Variants in SPRYD3 observed in about 807,000 individuals in gnomAD.
SPRYD3 encodes the protein SPRY domain-containing protein 3.
SPRYD3 carries 17 observed loss-of-function variants against 50.1 expected under a neutral mutation model. That is an observed-to-expected ratio of 0.34 (90% CI 0.23 to 0.51). The LOEUF is 0.51. SPRYD3 is among the 20% of genes least tolerant of loss of function. SPRYD3 has a pLI of 0.97. For synonymous variants in SPRYD3, 198 were observed against 215.5 expected (o/e 0.92, Z 0.71); for missense variants, 401 against 591.2 (o/e 0.68, Z 3.34).
intron 5 of SPRYD3, among the ~76,000 whole-genome samples, chr12:53,073,742 G>A (rs958064994): frequency 1.1e-4 from 16 of 151,992 alleles, no homozygotes; most frequent in African/African-American, 2.9e-4. Flanking sequence ...TACTCGGGAG[G>A]CTGAGGCAGG....
chr12:53,073,256 G>GCCCCCGGGGGGGGGGGGGGCCCC, intron 6 of SPRYD3, 30 bp downstream of exon 6: 5 of 424,134 alleles, frequency 1.2e-5, no homozygotes, highest in East Asian at 7.6e-5. Flanking sequence ...CTCCGACCCA[G>GCCCCCGGGGGGGGGGGGGGCCCC]CCCCTCCCAC....
chr12:53,079,227 GC>G, intron 1 of SPRYD3, 83 bp downstream of exon 1: 1 of 1,386,260 alleles, frequency 7.2e-7, no homozygotes, highest in Non-Finnish European at 1.0e-6. Context: ...TGGCCCCAGA[GC>G]CCCCGCCCAG....
intron 7 of SPRYD3, 89 bp from the exon 8 acceptor site, chr12:53,067,794 G>T: frequency 8.0e-7 from 1 of 1,253,208 alleles, no homozygotes; most frequent in Non-Finnish European, 1.2e-6. Context: ...CTCTGGGACA[G>T]ACCACAGCCC....
Position 53,074,908 on chromosome 12 carries a change from C to T in SPRYD3, c.372-124G>A, listed in dbSNP as rs556426636. On this transcript the variant is annotated intron_variant, in intron 4 of 10. Coordinates refer to ENST00000301463, the MANE Select transcript of SPRYD3 (RefSeq NM_032840.3). The surrounding 1 kb of genome is among the most constrained non-coding windows in gnomAD (Gnocchi z 4.6). Reference sequence around the variant, plus strand: ...GTCATTCTGTGATGGTACCCACTTACGTCCTGGCGTGAGCATCACCCTCCT... The same window carrying T: ...GTCATTCTGTGATGGTACCCACTTATGTCCTGGCGTGAGCATCACCCTCCT... The T allele has an allele frequency of 1.4e-5, 19 of 1,384,394 alleles. No individual in the cohort carries two copies. Among genetic ancestry groups the T allele is most frequent in the East Asian group, 1.1e-4 (5 of 43,480 alleles). The allele number at this position is 1,384,394 out of a possible 1,614,324, so 85.8% of individuals were successfully genotyped here. A position where few individuals can be genotyped will look rare whatever the true frequency, so the allele number is the denominator to read the frequency against.
chr12:53,066,018 C>T (rs1159991803), intron 10 of SPRYD3, 52 bp from the exon 11 acceptor site: 2 of 1,581,866 alleles, frequency 1.3e-6, no homozygotes, highest in South Asian at 1.1e-5. Flanking sequence ...GGCCTCTTCC[C>T]TGAGGATGCT....
chr12:53,067,505 C>T (rs1026734018), intron 8 of SPRYD3, 143 bp downstream of exon 8: 8 of 719,506 alleles, frequency 1.1e-5, no homozygotes, highest in African/African-American at 3.4e-5. Context: ...GGAGGAAGCA[C>T]TAGCGATTTG....
rs1014054626 is a variant in SPRYD3, at chr12:53,075,825, G to A, written c.171-14C>T. 6 of 1,610,762 alleles carry A rather than the reference G, an allele frequency of 3.7e-6. No individual in the cohort carries two copies. The highest frequency in any genetic ancestry group is 5.1e-6 in the Non-Finnish European group (6 of 1,177,110). On this transcript the variant is annotated splice_polypyrimidine_tract_variant and intron_variant, in intron 2 of 10. Transcript: ENST00000301463. Reference sequence around the variant, plus strand: ...TTTCCATGATAACTGAAGGAGGAATGAGGGGGGAATTCCATTAGCAGCCTA... The same window carrying A: ...TTTCCATGATAACTGAAGGAGGAATAAGGGGGGAATTCCATTAGCAGCCTA...
chr12:53,075,901 G>A (rs1309391135), intron 2 of SPRYD3, 90 bp from the exon 3 acceptor site: 17 of 984,254 alleles, frequency 1.7e-5, no homozygotes, highest in Middle Eastern at 2.8e-4. Flanking sequence ...ACCCTGCAAG[G>A]GCCAGCACAC....
chr12:53,074,629 C>A lies in SPRYD3; in HGVS notation c.507+20G>T, dbSNP rs771068906. On this transcript the variant is annotated intron_variant, in intron 5 of 10. Transcript: ENST00000301463. The surrounding 1 kb of genome is among the most constrained non-coding windows in gnomAD (Gnocchi z 4.6). ...GGGCAGATTTCAGCCACGTAAATCC[C>A]ACCACTATTTCCCACTCACCCGCTT... 3 of 1,614,076 alleles carry A rather than the reference C, an allele frequency of 1.9e-6. No homozygotes were observed. Among genetic ancestry groups the A allele is most frequent in the South Asian group, 1.1e-5 (1 of 91,090 alleles).
At chr12:53,073,256 G>GCCCCCGGGGGGGGGGGGGGCCCCC in intron 6 of SPRYD3, 30 bp downstream of exon 6, 1 of 424,132 alleles carries the variant, frequency 2.4e-6, no homozygotes, top group Non-Finnish European at 4.4e-6. Flanking sequence ...CTCCGACCCA[G>GCCCCCGGGGGGGGGGGGGGCCCCC]CCCCTCCCAC....
At position 53,065,609 on chromosome 12, in the gene SPRYD3, C is replaced by G. The variant is rs1172868264; in HGVS notation, c.*223G>C. ...CCAACACCATTCTTTGGGTCCATTC[C>G]TGTCCAACCAGGGACTCAGGCCCAG... On this transcript the variant is annotated 3_prime_UTR_variant, in exon 11 of 11. Coordinates refer to ENST00000301463, the MANE Select transcript of SPRYD3 (RefSeq NM_032840.3). 11 of 530,758 alleles carry G rather than the reference C, an allele frequency of 2.1e-5. No individual in the cohort carries two copies. Among genetic ancestry groups the G allele is most frequent in the Non-Finnish European group, 3.4e-6 (1 of 295,454 alleles). 32.9% of individuals were successfully genotyped at this position (530,758 alleles called of 1,614,324 possible).
rs536668406 is a variant in SPRYD3, at chr12:53,078,404, G to T, written c.23+907C>A. 5.3e-5 allele frequency among the ~76,000 whole-genome samples: 8 copies of T among 151,290 alleles called. 1 individual carries two copies. The highest frequency in any genetic ancestry group is 1.9e-4 in the African/African-American group (8 of 41,126). ...CTCAGGAGGCTGAGGCAAGAGAATT[G>T]CTTGAACCTGGGAGGTGGAGTTTGC... On this transcript the variant is annotated intron_variant, in intron 1 of 10. Transcript: ENST00000301463.
rs375505047 is a variant in SPRYD3 at position 53,079,227 on chromosome 12, G to A, written c.23+84C>T. 5.8e-6 allele frequency: 8 copies of A among 1,386,156 alleles called. No individual in the cohort carries two copies. The East Asian group carries it at 1.2e-4, about 22-fold the overall frequency. The allele number at this position is 1,386,156 out of a possible 1,614,324, so 85.9% of individuals were successfully genotyped here. On this transcript the variant is annotated intron_variant, in intron 1 of 10. Coordinates refer to ENST00000301463, the MANE Select transcript of SPRYD3 (RefSeq NM_032840.3). ...GCAGGGCCCCGCCCCTGGCCCCAGAGCCCCCGCCCAGGACCCCCGCCTTCC... is the reference window on the plus strand; with the variant it reads ...GCAGGGCCCCGCCCCTGGCCCCAGAACCCCCGCCCAGGACCCCCGCCTTCC...
At chr12:53,076,878 G>A (rs1317546835) in intron 2 of SPRYD3, among the ~76,000 whole-genome samples, 2 of 152,032 alleles carry the variant, frequency 1.3e-5, no homozygotes, top group Non-Finnish European at 2.9e-5. Flanking sequence ...GAACCCAGGA[G>A]GCGGAGGTTG....
In SPRYD3 at chr12:53,077,229, T is replaced by C. The variant is rs773878969; in HGVS notation, c.56A>G (p.Asn19Ser). The C allele has an allele frequency of 6.2e-7, 1 of 1,614,044 alleles. No homozygotes were observed. The highest frequency in any genetic ancestry group is 1.7e-5 in the Admixed American group (1 of 60,016). The stretch of plus-strand genomic sequence containing the variant: ...CCAATTCAGAAACCGGTAGTGCAGG[T>C]TGAGGTCATCCATCTTGTTCATGAG... Reference protein sequence around the residue: ...FVLMNKMDDLNLHYRFLNWRR... With the variant: ...FVLMNKMDDLSLHYRFLNWRR... Residue 19 changes from asparagine to serine, a missense_variant, in exon 2 of 11, where the codon AAC (asparagine) becomes AGC (serine). By Grantham distance (46) the Asn-to-Ser change is conservative. Transcript: ENST00000301463.
intron 6 of SPRYD3, 153 bp downstream of exon 6, chr12:53,073,133 C>T: frequency 1.8e-6 from 1 of 550,248 alleles, no homozygotes; most frequent in Non-Finnish European, 3.3e-6. Context: ...GACTCAAGGA[C>T]TCATGTCAAG....
In SPRYD3 at chr12:53,067,667, C is replaced by T; in HGVS notation, c.882G>A (p.Gly294=). 4 of 1,614,130 alleles carry T rather than the reference C, an allele frequency of 2.5e-6. No homozygotes were observed. Among genetic ancestry groups the T allele is most frequent in the Non-Finnish European group, 1.7e-6 (2 of 1,179,998 alleles). The change falls in exon 8 of 11, where the codon GGG becomes GGA. Residue 294 remains glycine (G), a synonymous_variant. Transcript: ENST00000301463. ...PKNRHPGWSR[G]SVAYHADDGK... Reference sequence around the variant, plus strand: ...ATTCACCTGCATGATAAGCCACAGACCCTCTGCTCCAGCCAGGGTGCCTGT... The same window carrying T: ...ATTCACCTGCATGATAAGCCACAGATCCTCTGCTCCAGCCAGGGTGCCTGT...
chr12:53,076,881 G>A (rs1454265426), intron 2 of SPRYD3, among the ~76,000 whole-genome samples: 1 of 151,874 alleles, frequency 6.6e-6, no homozygotes, highest in Non-Finnish European at 1.5e-5. Context: ...CCCAGGAGGC[G>A]GAGGTTGCAG....
At chr12:53,079,204 A>C in intron 1 of SPRYD3, 107 bp downstream of exon 1, 1 of 1,183,952 alleles carries the variant, frequency 8.4e-7, no homozygotes. Context: ...ACCAGAGCGC[A>C]GGGCCCCGCC....
Sources: allele counts gnomAD v4.1 joint callset (sites outside exome capture counted in the v4.1 genomes callset), GRCh38; gene constraint gnomAD v4.1.1; non-coding constraint Gnocchi (gnomAD v3.1); transcripts MANE v1.5; gene names NCBI Gene and HGNC (gene_info 2026-07-23, HGNC 2026-07-21).